Variants in PDIA5 observed in about 807,000 individuals in gnomAD.
PDIA5 encodes protein disulfide-isomerase A5.
In PDIA5, 58 loss-of-function variants were observed where a neutral mutation model predicts 77.6. The observed-to-expected ratio is 0.75, with a 90% CI of 0.61 to 0.93. The LOEUF (loss-of-function observed/expected upper bound fraction) is 0.93. Ranked by LOEUF, PDIA5 falls within the 40% of genes least tolerant of loss-of-function variation. The probability of loss-of-function intolerance (pLI) is 0.00; values close to 1 mark genes in which losing one functional copy is unlikely to be tolerated. For synonymous variants in PDIA5, 250 were observed against 252.1 expected (o/e 0.99, Z 0.08); for missense variants, 630 against 647.7 (o/e 0.97, Z 0.30).
At chr3:123,117,637 G>A (rs1935028093) in intron 8 of PDIA5, among the ~76,000 whole-genome samples, 1 of 151,844 alleles carries the variant, frequency 6.6e-6, no homozygotes, top group Non-Finnish European at 1.5e-5. Context: ...TTTCATCCAT[G>A]TAGCATGTCA....
chr3:123,136,699 A>AT (rs1374331775), intron 11 of PDIA5, among the ~76,000 whole-genome samples: 1 of 122,060 alleles, frequency 8.2e-6, no homozygotes, highest in African/African-American at 3.2e-5. Context: ...AGATCATGCC[A>AT]TTGCACTCCA....
chr3:123,072,032 T>TG (rs1202946426), intron 1 of PDIA5, among the ~76,000 whole-genome samples: 1 of 139,564 alleles, frequency 7.2e-6, no homozygotes, highest in East Asian at 2.3e-4. Flanking sequence ...GGCAAAGCTG[T>TG]GGGGGACTCG....
At chr3:123,105,873 G>A (rs944153625) in intron 5 of PDIA5, among the ~76,000 whole-genome samples, 7 of 152,176 alleles carry the variant, frequency 4.6e-5, no homozygotes, top group African/African-American at 7.2e-5. Context: ...TTTGAGCACC[G>A]TCTCTGAGTG....
chr3:123,137,557 T>G (rs1935530827), intron 11 of PDIA5, among the ~76,000 whole-genome samples: 1 of 152,246 alleles, frequency 6.6e-6, no homozygotes, highest in South Asian at 2.1e-4. Flanking sequence ...CTGATCACAC[T>G]TACTATGGAT....
At chr3:123,073,623 A>C (rs974999536) in intron 1 of PDIA5, among the ~76,000 whole-genome samples, 1 of 152,166 alleles carries the variant, frequency 6.6e-6, no homozygotes, top group Non-Finnish European at 1.5e-5. Context: ...GGTTGAAGAC[A>C]CTCATGGAGT....
rs78656530 is a variant in PDIA5, at chr3:123,127,469, C to T, written c.774-3011C>T. 2.3e-3 allele frequency among the ~76,000 whole-genome samples: 350 copies of T among 152,302 alleles called. 7 individuals carry two copies. In the East Asian group the frequency reaches 0.05, roughly 22 times the overall value. On this transcript the variant is annotated intron_variant, in intron 10 of 16. Coordinates refer to ENST00000316218, the MANE Select transcript of PDIA5 (RefSeq NM_006810.4). Reference sequence around the variant, plus strand: ...TTACAAAGCATCTCACATCCATTCTCGGCCTATATGAGCCTGAGAGCTAGG... The same window carrying T: ...TTACAAAGCATCTCACATCCATTCTTGGCCTATATGAGCCTGAGAGCTAGG...
chr3:123,092,548 G>C, intron 3 of PDIA5, 106 bp downstream of exon 3: 3 of 842,200 alleles, frequency 3.6e-6, no homozygotes, highest in Non-Finnish European at 6.0e-6. Flanking sequence ...CTGGGAGAGA[G>C]GATGCGATGG....
chr3:123,112,215 C>T (rs1934879818), intron 7 of PDIA5, among the ~76,000 whole-genome samples: 1 of 152,146 alleles, frequency 6.6e-6, no homozygotes, highest in Non-Finnish European at 1.5e-5. Flanking sequence ...CTTCACGAAG[C>T]CAGCAGTGTC....
chr3:123,111,128 C>G, intron 7 of PDIA5, 124 bp downstream of exon 7: 3 of 718,152 alleles, frequency 4.2e-6, no homozygotes, highest in South Asian at 3.1e-5. Flanking sequence ...AACGCTGAAT[C>G]TCATCTCTCC....
At chr3:123,086,685 T>C (rs1934148226) in intron 1 of PDIA5, among the ~76,000 whole-genome samples, 1 of 152,214 alleles carries the variant, frequency 6.6e-6, no homozygotes, top group African/African-American at 2.4e-5. Flanking sequence ...CATCCTGGGA[T>C]TTCTCTTCAC....
chr3:123,155,450 C>T (rs1274202026), intron 15 of PDIA5, among the ~76,000 whole-genome samples: 2 of 152,196 alleles, frequency 1.3e-5, no homozygotes, highest in East Asian at 3.9e-4. Context: ...CCTCGCCCTG[C>T]CTAAGTGAAA....
chr3:123,076,811 C>A (rs903532957), intron 1 of PDIA5, among the ~76,000 whole-genome samples: 2 of 152,194 alleles, frequency 1.3e-5, no homozygotes, highest in Non-Finnish European at 2.9e-5. Context: ...GATCCAGACC[C>A]CTCTTGGCTC....
intron 13 of PDIA5, among the ~76,000 whole-genome samples, chr3:123,147,601 C>G (rs974254867): frequency 8.5e-5 from 13 of 152,192 alleles, no homozygotes; most frequent in Non-Finnish European, 1.9e-4. Flanking sequence ...AGGCCTCTGG[C>G]AAGAGATGAA....
intron 2 of PDIA5, among the ~76,000 whole-genome samples, chr3:123,091,729 C>T (rs1363147992): frequency 2.0e-5 from 3 of 152,186 alleles, no homozygotes; most frequent in Non-Finnish European, 2.9e-5. Context: ...CCAGCTCTTG[C>T]CCCGTGGCTT....
At chr3:123,144,007 G>T (rs2107980074) in intron 11 of PDIA5, among the ~76,000 whole-genome samples, 1 of 152,310 alleles carries the variant, frequency 6.6e-6, no homozygotes, top group East Asian at 1.9e-4. Context: ...GGGAGGGACA[G>T]GGTGAGGATG....
intron 11 of PDIA5, among the ~76,000 whole-genome samples, chr3:123,132,219 C>A (rs769045488): frequency 6.6e-6 from 1 of 152,152 alleles, no homozygotes; most frequent in Admixed American, 6.5e-5. Flanking sequence ...CCTCAAGAGC[C>A]TTAGGTTCCA....
chr3:123,113,135 C>T (rs117440699), intron 7 of PDIA5, among the ~76,000 whole-genome samples: 12 of 152,216 alleles, frequency 7.9e-5, no homozygotes, highest in African/African-American at 2.2e-4. Context: ...GTCCACACAG[C>T]CCCTAGAGGA....
chr3:123,117,103 TC>T (rs1394460135), intron 8 of PDIA5, among the ~76,000 whole-genome samples: 1 of 151,750 alleles, frequency 6.6e-6, no homozygotes, highest in Non-Finnish European at 1.5e-5. Flanking sequence ...ACCTCTGTGT[TC>T]CCCCACCCTG....
Position 123,089,231 on chromosome 3 carries a change from C to A in PDIA5, c.106C>A (p.Pro36Thr). Residue 36 changes from proline to threonine, a missense_variant, in exon 2 of 17, where the codon CCC becomes ACC. Coordinates refer to ENST00000316218, the MANE Select transcript of PDIA5 (RefSeq NM_006810.4). ...CTCGCTCATTGAGAGAATCTCTGAC[C>A]CCAAGGACTTGAAAAAACTGCTCAG... The part of the protein sequence containing the change: ...VSSLIERISD[P>T]KDLKKLLRTR... 1 of 1,613,780 alleles carries A rather than the reference C, an allele frequency of 6.2e-7. No homozygotes were observed. The highest frequency in any genetic ancestry group is 1.7e-5 in the Admixed American group (1 of 60,028).
Sources: gnomAD v4.1 joint callset for allele counts (sites outside exome capture counted in the v4.1 genomes callset) on GRCh38, gnomAD v4.1.1 for gene constraint, MANE v1.5 for transcripts, NCBI Gene and HGNC (gene_info 2026-07-23, HGNC 2026-07-21) for gene names.